The following PEAK1 variants were observed in gnomAD, a reference collection of about 807,000 sequenced individuals.
PEAK1 encodes the protein pseudopodium enriched atypical kinase 1.
Under a neutral mutation model 124.7 loss-of-function variants are expected in PEAK1, and 54 were observed. The observed-to-expected ratio is 0.43, with a 90% CI of 0.35 to 0.54. The LOEUF (loss-of-function observed/expected upper bound fraction) is 0.54, where lower values mean the gene tolerates loss of function less well. PEAK1 is among the 20% of genes least tolerant of loss of function. PEAK1 has a pLI of 0.01. For synonymous variants in PEAK1, 719 were observed against 760.0 expected, an observed-to-expected ratio of 0.95 and a Z score of 0.89; for missense variants, 2,046 against 2,134.5, an observed-to-expected ratio of 0.96 and a Z score of 0.82.
chr15:77,419,551 C>A (rs993990525), intron 1 of PEAK1: 1 of 985,202 alleles, frequency 1.0e-6, no homozygotes, highest in African/African-American at 1.7e-5. Flanking sequence ...CTCCCGGGTG[C>A]GGGAGCGGGC....
At chr15:77,237,384 GT>G (rs1429088967) in intron 6 of PEAK1, among the ~76,000 whole-genome samples, 3 of 150,174 alleles carry the variant, frequency 2.0e-5, no homozygotes, top group African/African-American at 7.3e-5. Context: ...TTTCTAAAAT[GT>G]TTGTTATTTC....
intron 8 of PEAK1, among the ~76,000 whole-genome samples, chr15:77,148,456 G>A (rs1012606002): frequency 1.3e-5 from 2 of 152,150 alleles, no homozygotes; most frequent in African/African-American, 4.8e-5. Flanking sequence ...TAGCTACCTT[G>A]GGGATCCTGT....
chr15:77,377,358 T>C (rs543176277), intron 1 of PEAK1, among the ~76,000 whole-genome samples: 25 of 152,234 alleles, frequency 1.6e-4, no homozygotes, highest in African/African-American at 5.3e-4. Flanking sequence ...CATTCCAGCC[T>C]GGGGAACAGA....
At chr15:77,219,693 A>G (rs1003122940) in intron 6 of PEAK1, among the ~76,000 whole-genome samples, 9 of 152,120 alleles carry the variant, frequency 5.9e-5, no homozygotes, top group Non-Finnish European at 1.2e-4. Flanking sequence ...AAGACTGGAA[A>G]AAGAATAAAA....
chr15:77,360,551 G>C (rs1337331507), intron 2 of PEAK1, among the ~76,000 whole-genome samples: 1 of 151,974 alleles, frequency 6.6e-6, no homozygotes, highest in Non-Finnish European at 1.5e-5. Flanking sequence ...CCACTTATAT[G>C]CATTTTTTTC....
chr15:77,324,631 G>GT (rs1211580873), intron 2 of PEAK1, among the ~76,000 whole-genome samples: 3 of 152,152 alleles, frequency 2.0e-5, no homozygotes, highest in Non-Finnish European at 2.9e-5. Context: ...GCAGCATCTG[G>GT]TTCTGGGAAG....
intron 8 of PEAK1, among the ~76,000 whole-genome samples, chr15:77,152,933 T>C (rs978212745): frequency 1.3e-5 from 2 of 152,224 alleles, no homozygotes; most frequent in African/African-American, 4.8e-5. Flanking sequence ...TCATCAAGGA[T>C]ATTGGTCTAA....
intron 1 of PEAK1, chr15:77,401,895 T>C: frequency 1.0e-6 from 1 of 985,232 alleles, no homozygotes. Flanking sequence ...GATACAGAAG[T>C]AGCAAGACTA....
At position 77,419,708 on chromosome 15, in the gene PEAK1, G is replaced by A. The variant is rs568869993; in HGVS notation, c.-666+298C>T. 394 of 977,464 alleles carry A rather than the reference G, an allele frequency of 4.0e-4. 1 individual carries two copies. In the African/African-American group the frequency reaches 6.6e-3, roughly 16 times the overall value. The allele number at this position is 977,464 out of a possible 1,614,324, so 60.5% of individuals were successfully genotyped here. A position where few individuals can be genotyped will look rare whatever the true frequency, so the allele number is the denominator to read the frequency against. On this transcript the variant is annotated intron_variant, in intron 1 of 9. Coordinates refer to ENST00000682557, the MANE Select transcript of PEAK1 (RefSeq NM_001385026.1). ...GGCAGGTCCCAACTTTCCTTCCTCT[G>A]GGGGGCGTCGCGCTCCCGGGGCCGC...
intron 5 of PEAK1, among the ~76,000 whole-genome samples, chr15:77,282,860 C>CA: frequency 6.6e-6 from 1 of 151,888 alleles, no homozygotes; most frequent in East Asian, 1.9e-4. Context: ...AAACAAAAAC[C>CA]AAAAAATTAA....
At chr15:77,120,767 G>C (rs981163006) in intron 9 of PEAK1, among the ~76,000 whole-genome samples, 7 of 152,194 alleles carry the variant, frequency 4.6e-5, no homozygotes, top group Admixed American at 4.6e-4. Flanking sequence ...ATAGGAGAAA[G>C]TCCTGGCCTT....
At chr15:77,106,259 T>C (rs1384248908), downstream of PEAK1, 2 of 152,206 alleles carry the variant, frequency 1.3e-5, no homozygotes, top group Non-Finnish European at 2.9e-5. Flanking sequence ...GCCTCGAAGT[T>C]ATTGCCAGAT....
At chr15:77,172,880 G>C (rs2056604942) in intron 7 of PEAK1, among the ~76,000 whole-genome samples, 2 of 152,040 alleles carry the variant, frequency 1.3e-5, no homozygotes, top group South Asian at 4.1e-4. Flanking sequence ...AGCCTCCTGA[G>C]TACCTGGGAT....
At chr15:77,318,743 G>C (rs1436395754) in intron 2 of PEAK1, among the ~76,000 whole-genome samples, 2 of 151,452 alleles carry the variant, frequency 1.3e-5, no homozygotes, top group Non-Finnish European at 2.9e-5. Flanking sequence ...TATGAATTTA[G>C]CAAACATGCG....
chr15:77,378,321 G>C (rs571643935), intron 1 of PEAK1, among the ~76,000 whole-genome samples: 1 of 151,784 alleles, frequency 6.6e-6, no homozygotes, highest in East Asian at 1.9e-4. Context: ...GTAAACTATT[G>C]AAAGATCATC....
intron 9 of PEAK1, among the ~76,000 whole-genome samples, chr15:77,115,897 C>G (rs2051326227): frequency 6.6e-6 from 1 of 152,126 alleles, no homozygotes; most frequent in Non-Finnish European, 1.5e-5. Flanking sequence ...TTGTGATGGT[C>G]ACAACACTGG....
At chr15:77,218,434 T>C (rs1300079291) in intron 6 of PEAK1, among the ~76,000 whole-genome samples, 1 of 152,130 alleles carries the variant, frequency 6.6e-6, no homozygotes, top group Non-Finnish European at 1.5e-5. Context: ...GTGAATTATG[T>C]TGATAGATTG....
chr15:77,151,810 C>T (rs1002306384), intron 8 of PEAK1, among the ~76,000 whole-genome samples: 1 of 152,138 alleles, frequency 6.6e-6, no homozygotes, highest in African/African-American at 2.4e-5. Context: ...TGTCAAAGAT[C>T]GGATGGTTGT....
intron 2 of PEAK1, among the ~76,000 whole-genome samples, chr15:77,327,899 G>GA (rs1226195525): frequency 6.6e-6 from 1 of 151,374 alleles, no homozygotes; most frequent in Non-Finnish European, 1.5e-5. Flanking sequence ...GAAGAAGAAG[G>GA]AAAAAAAATA....
Sources: gnomAD v4.1 joint callset for allele counts (sites outside exome capture counted in the v4.1 genomes callset) on GRCh38, gnomAD v4.1.1 for gene constraint, MANE v1.5 for transcripts, NCBI Gene and HGNC (gene_info 2026-07-23, HGNC 2026-07-21) for gene names.